The following EXOC2 variants were observed in gnomAD, a reference collection of about 807,000 sequenced individuals.
EXOC2 encodes exocyst complex component 2, also known as SEC5-like 1.
Under a neutral mutation model 131.8 loss-of-function variants are expected in EXOC2, and 70 were observed. That is an observed-to-expected ratio of 0.53 (90% CI 0.44 to 0.65). The LOEUF is 0.65. Among genes scored for constraint, EXOC2 ranks in the 30% least tolerant of loss-of-function variants. The pLI is 0.00. For synonymous variants in EXOC2, 411 were observed against 398.4 expected, an observed-to-expected ratio of 1.03 and a Z score of -0.38; for missense variants, 923 against 1,108.6, an observed-to-expected ratio of 0.83 and a Z score of 2.38.
chr6:545,802 A>C (rs1030084132), intron 22 of EXOC2, among the ~76,000 whole-genome samples: 1 of 152,216 alleles, frequency 6.6e-6, no homozygotes, highest in Non-Finnish European at 1.5e-5. Context: ...AAAAATTAAA[A>C]ATAACCTTAA....
At chr6:692,192 TCA>T (rs1280443265) in intron 1 of EXOC2, among the ~76,000 whole-genome samples, 4 of 152,262 alleles carry the variant, frequency 2.6e-5, no homozygotes, top group African/African-American at 9.6e-5. Context: ...GTAAGTTTAC[TCA>T]CAGATTCATA....
intron 22 of EXOC2, among the ~76,000 whole-genome samples, chr6:547,541 G>GA (rs1406496864): frequency 6.6e-6 from 1 of 152,176 alleles, no homozygotes; most frequent in Non-Finnish European, 1.5e-5. Context: ...CTTTTGGAGG[G>GA]AAAACTATGA....
chr6:499,937 T>C lies in EXOC2; in HGVS notation c.2381-237A>G, dbSNP rs1161485765. The stretch of plus-strand genomic sequence containing the variant: ...TTTTTCATTTCTGTCACTGTTTATG[T>C]TCTCTATAACTGGCTCTCAGTCGGC... On this transcript the variant is annotated intron_variant, in intron 23 of 27. Transcript: ENST00000230449. Among the ~76,000 whole-genome samples the C allele has an allele frequency of 1.3e-5, 2 of 152,132 alleles. 1 individual carries two copies. Among genetic ancestry groups the C allele is most frequent in the East Asian group, 3.9e-4 (2 of 5,192 alleles).
intron 7 of EXOC2, among the ~76,000 whole-genome samples, chr6:609,728 G>A (rs1434151094): frequency 6.6e-6 from 1 of 152,156 alleles, no homozygotes; most frequent in Non-Finnish European, 1.5e-5. Context: ...TTGCATTAAT[G>A]CTGGGAGACG....
chr6:540,667 G>A (rs915467754), intron 22 of EXOC2, among the ~76,000 whole-genome samples: 1 of 152,086 alleles, frequency 6.6e-6, no homozygotes, highest in Non-Finnish European at 1.5e-5. Flanking sequence ...TAAGAGATGT[G>A]AAGAATAGAG....
chr6:574,880 C>T (rs182544245), intron 12 of EXOC2, among the ~76,000 whole-genome samples: 1 of 152,390 alleles, frequency 6.6e-6, no homozygotes, highest in African/African-American at 2.4e-5. Flanking sequence ...CTCTCCCCAA[C>T]AGTAGTTGGT....
intron 23 of EXOC2, among the ~76,000 whole-genome samples, chr6:531,094 G>C (rs1043164038): frequency 6.6e-6 from 1 of 152,178 alleles, no homozygotes; most frequent in African/African-American, 2.4e-5. Context: ...GTTAGCCTCA[G>C]GGAGAATGAG....
intron 12 of EXOC2, among the ~76,000 whole-genome samples, chr6:574,512 C>T (rs531269839): frequency 2.6e-5 from 4 of 152,330 alleles, no homozygotes; most frequent in African/African-American, 9.6e-5. Flanking sequence ...GAACCACTGA[C>T]ACGTCCTCTG....
At chr6:526,991 A>C (rs891562921) in intron 23 of EXOC2, among the ~76,000 whole-genome samples, 4 of 152,256 alleles carry the variant, frequency 2.6e-5, no homozygotes, top group African/African-American at 4.8e-5. Context: ...TCTGCCTTGC[A>C]CATGGTATAT....
intron 1 of EXOC2, among the ~76,000 whole-genome samples, chr6:673,513 A>C (rs971446475): frequency 2.6e-5 from 4 of 152,114 alleles, no homozygotes; most frequent in Non-Finnish European, 5.9e-5. Context: ...ATTTCTTGGA[A>C]TAACAGATTC....
intron 1 of EXOC2, among the ~76,000 whole-genome samples, chr6:684,548 T>A (rs1377258464): frequency 1.3e-5 from 2 of 152,250 alleles, no homozygotes; most frequent in Admixed American, 1.3e-4. Context: ...ATATACTATA[T>A]TAATTTTAAA....
At chr6:654,830 A>AAAAAAAAG in intron 1 of EXOC2, among the ~76,000 whole-genome samples, 1 of 145,038 alleles carries the variant, frequency 6.9e-6, no homozygotes, top group Admixed American at 6.9e-5. Flanking sequence ...AAAAAAAAAA[A>AAAAAAAAG]AAAAAAAGTA....
intron 24 of EXOC2, 97 bp downstream of exon 24, chr6:499,548 A>G (rs574053160): frequency 2.3e-5 from 24 of 1,023,362 alleles, no homozygotes; most frequent in African/African-American, 1.6e-4. Context: ...ATTCTGAGGG[A>G]AAAAAAAGAC....
At chr6:630,669 T>C (rs1761800915) in intron 3 of EXOC2, among the ~76,000 whole-genome samples, 1 of 152,232 alleles carries the variant, frequency 6.6e-6, no homozygotes. Flanking sequence ...CTCTGGCATG[T>C]TTTCATGAAT....
chr6:566,473 T>C lies in EXOC2; in HGVS notation c.1444-1544A>G, dbSNP rs557579582. Among the ~76,000 whole-genome samples, 6 of 152,248 alleles carry C rather than the reference T, an allele frequency of 3.9e-5. No homozygotes were observed. The South Asian group carries it at 1.2e-3, about 32-fold the overall frequency. On this transcript the variant is annotated intron_variant, in intron 13 of 27. Coordinates refer to ENST00000230449, the MANE Select transcript of EXOC2 (RefSeq NM_018303.6). ...TGGTGCTGCAGTGAGGAAGGAGGCA[T>C]GCGCAGAGGGACCCCCACCTAACGC...
chr6:488,200 C>A (rs1425535042), intron 27 of EXOC2, among the ~76,000 whole-genome samples: 3 of 152,060 alleles, frequency 2.0e-5, no homozygotes, highest in African/African-American at 4.8e-5. Context: ...TGTGACAGCT[C>A]CCCCCCATGG....
intron 23 of EXOC2, among the ~76,000 whole-genome samples, chr6:504,028 C>CGTGCTGGGACAG (rs1157202648): frequency 6.6e-6 from 1 of 152,222 alleles, no homozygotes; most frequent in African/African-American, 2.4e-5. Flanking sequence ...CAAAGAAGCC[C>CGTGCTGGGACAG]GTGCTGGGAC....
chr6:666,252 T>A (rs182092387), intron 1 of EXOC2, among the ~76,000 whole-genome samples: 21 of 152,372 alleles, frequency 1.4e-4, no homozygotes, highest in Non-Finnish European at 1.9e-4. Flanking sequence ...TTCTCTTGTT[T>A]CCAGCACTGG....
chr6:656,558 C>A, intron 1 of EXOC2: 1 of 1,594,360 alleles, frequency 6.3e-7, no homozygotes, highest in Non-Finnish European at 8.5e-7. Flanking sequence ...GCAGATCGTG[C>A]ACCACGCTGC....
Sources: allele counts gnomAD v4.1 joint callset (sites outside exome capture counted in the v4.1 genomes callset), GRCh38; gene constraint gnomAD v4.1.1; transcripts MANE v1.5; gene names NCBI Gene and HGNC (gene_info 2026-07-23, HGNC 2026-07-21).